The following PHLPP2 variants were observed in gnomAD, a reference collection of about 807,000 sequenced individuals.
The protein encoded by PHLPP2 is PH domain leucine-rich repeat-containing protein phosphatase 2.
A neutral mutation model predicts 124.9 loss-of-function variants in PHLPP2; 66 were observed. The observed-to-expected ratio is 0.53, with a 90% CI of 0.43 to 0.65. The LOEUF is 0.65. Ranked by LOEUF, PHLPP2 falls within the 30% of genes least tolerant of loss-of-function variation. The pLI, the probability that PHLPP2 is intolerant of heterozygous loss-of-function variation, is 0.00. For missense variants in PHLPP2, 1,685 were observed against 1,600.4 expected, an observed-to-expected ratio of 1.05 and a Z score of -0.90; for synonymous variants, 681 against 624.7, an observed-to-expected ratio of 1.09 and a Z score of -1.34.
intron 5 of PHLPP2, among the ~76,000 whole-genome samples, chr16:71,683,877 G>A (rs1366726630): frequency 2.6e-5 from 4 of 151,656 alleles, no homozygotes; most frequent in East Asian, 1.9e-4. Flanking sequence ...TGCAATCTCC[G>A]CCTCCTGGGT....
Position 71,721,313 on chromosome 16 carries a change from T to C in PHLPP2, c.-7+3016A>G, listed in dbSNP as rs115854711. Among the ~76,000 whole-genome samples the C allele has an allele frequency of 4.4e-3, 661 of 149,602 alleles. 11 individuals are homozygous for C. Among genetic ancestry groups the C allele is most frequent in the African/African-American group, 0.016 (640 of 40,536 alleles). ...AGAGAGAGGCTCTGCCTCAAAAAAA[T>C]AATAACAATAATAACGTTTTGGGCT... On this transcript the variant is annotated intron_variant, in intron 1 of 18. Coordinates refer to ENST00000568954, the MANE Select transcript of PHLPP2 (RefSeq NM_015020.3).
At chr16:71,718,190 G>C (rs1445550201) in intron 1 of PHLPP2, among the ~76,000 whole-genome samples, 2 of 152,064 alleles carry the variant, frequency 1.3e-5, no homozygotes, top group Non-Finnish European at 2.9e-5. Context: ...ACCACACCAG[G>C]CCTGATTTTT....
chr16:71,655,876 G>T (rs2044738256), intron 16 of PHLPP2, among the ~76,000 whole-genome samples: 1 of 152,202 alleles, frequency 6.6e-6, no homozygotes, highest in South Asian at 2.1e-4. Flanking sequence ...AAAGTCCCTA[G>T]ACATGATAAT....
At chr16:71,712,426 T>A (rs1306973197) in intron 2 of PHLPP2, among the ~76,000 whole-genome samples, 1 of 152,240 alleles carries the variant, frequency 6.6e-6, no homozygotes, top group Non-Finnish European at 1.5e-5. Flanking sequence ...CAACTACTAG[T>A]AGCAAGCCAT....
At chr16:71,722,206 C>A (rs185143695) in intron 1 of PHLPP2, among the ~76,000 whole-genome samples, 2 of 152,158 alleles carry the variant, frequency 1.3e-5, no homozygotes, top group East Asian at 1.9e-4. Flanking sequence ...CCAAGGCGGG[C>A]GGATCACTGG....
At chr16:71,656,986 A>G (rs1457771698) in intron 15 of PHLPP2, among the ~76,000 whole-genome samples, 1 of 151,898 alleles carries the variant, frequency 6.6e-6, no homozygotes, top group Non-Finnish European at 1.5e-5. Flanking sequence ...TCTGTTGCCC[A>G]GGCTGGAGTG....
intron 10 of PHLPP2, among the ~76,000 whole-genome samples, chr16:71,671,807 G>A (rs868848654): frequency 6.6e-6 from 1 of 151,898 alleles, no homozygotes; most frequent in Non-Finnish European, 1.5e-5. Context: ...CCAGCTACTC[G>A]GGAGGCTGAG....
intron 3 of PHLPP2, among the ~76,000 whole-genome samples, chr16:71,700,519 CTTTTTTTTTTTT>C (rs1234453846): frequency 7.2e-5 from 6 of 83,346 alleles, no homozygotes; most frequent in South Asian, 5.2e-4. Flanking sequence ...TGACTCATTT[CTTTTTTTTTTTT>C]TTTTTTTTTT....
intron 3 of PHLPP2, among the ~76,000 whole-genome samples, chr16:71,699,814 C>A (rs1364114980): frequency 6.6e-6 from 1 of 152,214 alleles, no homozygotes; most frequent in Admixed American, 6.5e-5. Context: ...CAGACACCCC[C>A]ACCTGGACGC....
chr16:71,682,663 G>C (rs1203784836), intron 5 of PHLPP2, among the ~76,000 whole-genome samples: 1 of 152,068 alleles, frequency 6.6e-6, no homozygotes, highest in Non-Finnish European at 1.5e-5. Context: ...ACATGCAAAA[G>C]ACACTCAAAA....
chr16:71,715,294 G>A lies in PHLPP2; in HGVS notation c.-6-493C>T, dbSNP rs77603802. On this transcript the variant is annotated intron_variant, in intron 1 of 18. Coordinates refer to ENST00000568954, the MANE Select transcript of PHLPP2 (RefSeq NM_015020.3). ...TTGAGTTGGAGAACAGATTGAACCC[G>A]GGAGATTGAGGTTGCAGTGAGCCGT... 3.6e-3 allele frequency: 561 copies of A among 155,154 alleles called. 13 individuals carry two copies. The East Asian group carries it at 0.051, about 14-fold the overall frequency. 9.6% of individuals were successfully genotyped at this position (155,154 alleles called of 1,614,324 possible).
intron 9 of PHLPP2, among the ~76,000 whole-genome samples, chr16:71,676,158 T>C (rs909798435): frequency 1.3e-5 from 2 of 152,176 alleles, no homozygotes; most frequent in African/African-American, 2.4e-5. Context: ...TTTAGACTAT[T>C]ATTGATGCTC....
intron 18 of PHLPP2, among the ~76,000 whole-genome samples, chr16:71,651,262 T>C (rs2044694188): frequency 6.8e-6 from 1 of 146,218 alleles, no homozygotes; most frequent in Non-Finnish European, 1.5e-5. Flanking sequence ...CGCTTGAACC[T>C]GGGAGGTGGA....
rs2044670358 is a variant in PHLPP2 at position 71,648,685 on chromosome 16, T to C, written c.*205A>G. 1.9e-6 allele frequency: 1 copy of C among 539,826 alleles called. No homozygotes were observed. The highest frequency in any genetic ancestry group is 1.9e-5 in the African/African-American group (1 of 52,938). 33.4% of individuals were successfully genotyped at this position (539,826 alleles called of 1,614,324 possible). On this transcript the variant is annotated 3_prime_UTR_variant, in exon 19 of 19. Coordinates refer to ENST00000568954, the MANE Select transcript of PHLPP2 (RefSeq NM_015020.3). ...TACTCGGGAGGCTGAGACAGGAGAA[T>C]GGCTTGAACCCAGGGACAGAGGCTG... is the stretch of plus-strand genomic sequence containing the variant.
At chr16:71,666,400 C>T (rs201961610) in intron 12 of PHLPP2, among the ~76,000 whole-genome samples, 1 of 152,102 alleles carries the variant, frequency 6.6e-6, no homozygotes, top group Non-Finnish European at 1.5e-5. Context: ...GTGGTCCCAA[C>T]TACTTAGTAG....
chr16:71,678,577 C>T, intron 8 of PHLPP2, 178 bp downstream of exon 8: 1 of 575,754 alleles, frequency 1.7e-6, no homozygotes, highest in South Asian at 2.1e-5. Flanking sequence ...GAGGTCAAGA[C>T]TGCAGTGGGC....
At chr16:71,667,083 G>A in intron 12 of PHLPP2, 95 bp downstream of exon 12, 1 of 1,085,976 alleles carries the variant, frequency 9.2e-7, no homozygotes, top group Non-Finnish European at 1.3e-6. Context: ...TAAACGCTCT[G>A]TAAATACAGT....
Position 71,676,441 on chromosome 16 carries a change from A to G in PHLPP2, c.1471+6T>C. 1 of 1,611,570 alleles carries G rather than the reference A, an allele frequency of 6.2e-7. No individual in the cohort carries two copies. The highest frequency in any genetic ancestry group is 8.5e-7 in the Non-Finnish European group (1 of 1,177,738). ...GAAAAAACAAAAGGCTGCAGAGAAA[A>G]CTCACTGTTGGAACTGGCATAGAGG... On this transcript the variant is annotated splice_donor_region_variant and intron_variant, in intron 9 of 18. Transcript: ENST00000568954.
intron 1 of PHLPP2, among the ~76,000 whole-genome samples, chr16:71,719,465 A>G (rs866894681): frequency 6.6e-6 from 1 of 152,222 alleles, no homozygotes; most frequent in Non-Finnish European, 1.5e-5. Context: ...GCTTGAACAC[A>G]GTAGGTGGAG....
Sources: allele counts gnomAD v4.1 joint callset (sites outside exome capture counted in the v4.1 genomes callset), GRCh38; gene constraint gnomAD v4.1.1; transcripts MANE v1.5; gene names NCBI Gene and HGNC (gene_info 2026-07-23, HGNC 2026-07-21).